NR1H4: variants seen among roughly 807,000 people sequenced by gnomAD.
NR1H4 encodes the protein bile acid receptor.
NR1H4 carries 23 observed loss-of-function variants against 58.5 expected under a neutral mutation model. That is an observed-to-expected ratio of 0.39 (90% CI 0.28 to 0.56). The LOEUF is 0.56. Among genes scored for constraint, NR1H4 ranks in the 20% least tolerant of loss-of-function variants. The probability of loss-of-function intolerance (pLI) is 0.58; values close to 1 mark genes in which losing one functional copy is unlikely to be tolerated. For missense variants in NR1H4, 487 were observed against 576.9 expected (o/e 0.84, Z 1.60); for synonymous variants, 214 against 198.0 (o/e 1.08, Z -0.68).
chr12:100,561,917 A>T lies in NR1H4; in HGVS notation c.1111A>T (p.Ser371Cys). ...TGATGAATATATAACACCTATGTTT[A>T]GTTTTTATAAAAGTATTGGGGAACT... ...ISDEYITPMFSFYKSIGELKM... is the reference protein window; with the variant it reads ...ISDEYITPMFCFYKSIGELKM... The change falls in exon 10 of 11, where the codon AGT becomes TGT. Residue 371 changes from serine (S) to cysteine (C), a missense_variant. Physicochemically the swap from Ser to Cys is moderately radical, Grantham distance 112. Coordinates refer to ENST00000392986, the MANE Select transcript of NR1H4 (RefSeq NM_001206979.2). The T allele has an allele frequency of 6.6e-7, 1 of 1,519,398 alleles. No homozygotes were observed. The allele number at this position is 1,519,398 out of a possible 1,614,324, so 94.1% of individuals were successfully genotyped here.
Position 100,532,471 on chromosome 12 carries a change from A to G in NR1H4, c.459A>G (p.Arg153=). Reference sequence around the variant, plus strand: ...TTTCTCCCACAGGTTTCTTCAGGAGAAGCATTACCAAAAACGCTGTGTACA... The same window carrying G: ...TTTCTCCCACAGGTTTCTTCAGGAGGAGCATTACCAAAAACGCTGTGTACA... ...TCEGCKGFFR[R]SITKNAVYKC... Residue 153 remains arginine (R), a synonymous_variant, in exon 5 of 11, where the codon AGA becomes AGG. Transcript: ENST00000392986. 6.2e-7 allele frequency: 1 copy of G among 1,614,126 alleles called. No individual in the cohort carries two copies. Among genetic ancestry groups the G allele is most frequent in the Non-Finnish European group, 8.5e-7 (1 of 1,179,974 alleles).
chr12:100,499,967 G>C (rs1953797547), intron 3 of NR1H4: 1 of 455,826 alleles, frequency 2.2e-6, no homozygotes, highest in Non-Finnish European at 4.4e-6. Flanking sequence ...AAGAATGCCT[G>C]GCACATCACA....
intron 5 of NR1H4, among the ~76,000 whole-genome samples, chr12:100,533,974 G>A (rs979551863): frequency 6.6e-6 from 1 of 151,094 alleles, no homozygotes; most frequent in African/African-American, 2.4e-5. Flanking sequence ...TCGGCTCACT[G>A]CAAGCTCCGC....
At chr12:100,553,261 G>A (rs1955247378) in intron 9 of NR1H4, among the ~76,000 whole-genome samples, 2 of 152,154 alleles carry the variant, frequency 1.3e-5, no homozygotes, top group Non-Finnish European at 1.5e-5. Context: ...GCCTCCCAAA[G>A]TGCTGGGATT....
rs369219711 is a variant in NR1H4 at position 100,493,311 on chromosome 12, T to C, written c.-13T>C. 14 of 1,412,132 alleles carry C rather than the reference T, an allele frequency of 9.9e-6. No homozygotes were observed. Among genetic ancestry groups the C allele is most frequent in the Non-Finnish European group, 1.3e-5 (13 of 1,003,802 alleles). 87.5% of individuals were successfully genotyped at this position (1,412,132 alleles called of 1,614,324 possible). On this transcript the variant is annotated 5_prime_UTR_variant, in exon 3 of 11. Coordinates refer to ENST00000392986, the MANE Select transcript of NR1H4 (RefSeq NM_001206979.2). ...CCACCATAAAGAAAGTGCATTTCAA[T>C]TGAAAAATTTGGATGGGATCAAAAA...
intron 4 of NR1H4, among the ~76,000 whole-genome samples, chr12:100,512,627 C>A (rs942053481): frequency 1.3e-5 from 2 of 149,474 alleles, no homozygotes; most frequent in Non-Finnish European, 2.9e-5. Context: ...GGCAACTGAG[C>A]GAGACTCCGT....
At chr12:100,484,063 A>G in intron 1 of NR1H4, among the ~76,000 whole-genome samples, 1 of 151,822 alleles carries the variant, frequency 6.6e-6, no homozygotes, top group East Asian at 1.9e-4. Context: ...TAAAATGATG[A>G]TGGTTAGAAA....
chr12:100,498,898 G>T, intron 3 of NR1H4, among the ~76,000 whole-genome samples: 1 of 151,930 alleles, frequency 6.6e-6, no homozygotes, highest in East Asian at 1.9e-4. Flanking sequence ...ACTTAGCTGT[G>T]TATGCCCATT....
chr12:100,502,344 G>A (rs1455103822), intron 3 of NR1H4, among the ~76,000 whole-genome samples: 2 of 152,166 alleles, frequency 1.3e-5, no homozygotes, highest in Non-Finnish European at 2.9e-5. Context: ...CTGGAGGCTG[G>A]AAGTCCAAAA....
intron 3 of NR1H4, among the ~76,000 whole-genome samples, chr12:100,505,393 A>G (rs1041067800): frequency 5.9e-5 from 9 of 152,232 alleles, no homozygotes; most frequent in African/African-American, 2.2e-4. Flanking sequence ...TTTAACAGTC[A>G]GACTCTAAGT....
chr12:100,536,580 G>T lies in NR1H4; in HGVS notation c.801G>T (p.Gln267His). 6.3e-7 allele frequency: 1 copy of T among 1,596,254 alleles called. No homozygotes were observed. The highest frequency in any genetic ancestry group is 1.1e-5 in the South Asian group (1 of 90,682). The change falls in exon 7 of 11, where the codon CAG becomes CAT. Residue 267 changes from glutamine (Q) to histidine (H), a missense_variant. Coordinates refer to ENST00000392986, the MANE Select transcript of NR1H4 (RefSeq NM_001206979.2). ...LHFIMDSYNKQRMPQEITNKI... is the reference protein window; with the variant it reads ...LHFIMDSYNKHRMPQEITNKI... ...TTATTATGGATTCATATAACAAACAGAGGATGCCTCAGGAAATAACAAATA... is the reference window on the plus strand; with the variant it reads ...TTATTATGGATTCATATAACAAACATAGGATGCCTCAGGAAATAACAAATA...
intron 4 of NR1H4, among the ~76,000 whole-genome samples, chr12:100,524,653 T>C (rs1593093140): frequency 6.6e-6 from 1 of 152,192 alleles, no homozygotes; most frequent in Non-Finnish European, 1.5e-5. Flanking sequence ...GTGCATGTGA[T>C]TCCAAAGTCA....
At chr12:100,510,195 G>T (rs547169045) in intron 3 of NR1H4, among the ~76,000 whole-genome samples, 2 of 152,234 alleles carry the variant, frequency 1.3e-5, no homozygotes, top group South Asian at 4.1e-4. Context: ...CTTTTTCATA[G>T]AGGTTCAAGC....
Position 100,531,325 on chromosome 12 carries a change from C to T in NR1H4, c.446-1133C>T, listed in dbSNP as rs140529827. ...ACAAAAATTAGTCGGCCGCGGTGGG[C>T]GGCGCCTGTCATCCTAGCTGCTCCA... On this transcript the variant is annotated intron_variant, in intron 4 of 10. Transcript: ENST00000392986. Among the ~76,000 whole-genome samples the T allele has an allele frequency of 4.2e-4, 64 of 152,068 alleles. No homozygotes were observed. The East Asian group carries it at 0.011, about 25-fold the overall frequency.
At chr12:100,502,723 A>C (rs144821197) in intron 3 of NR1H4, among the ~76,000 whole-genome samples, 3 of 152,216 alleles carry the variant, frequency 2.0e-5, no homozygotes, top group African/African-American at 7.2e-5. Context: ...AATAAATTGC[A>C]TGAGATATTC....
intron 9 of NR1H4, among the ~76,000 whole-genome samples, chr12:100,548,083 A>C (rs1300754415): frequency 6.7e-6 from 1 of 149,420 alleles, no homozygotes; most frequent in Admixed American, 6.7e-5. Flanking sequence ...AAGAATACTT[A>C]TGAGCTGAGT....
Position 100,484,472 on chromosome 12 carries a change from C to A in NR1H4, c.-189-8031C>A, listed in dbSNP as rs573486769. ...CACAATAAAAACAAACAGTGCATAC[C>A]ATTTCTGAAATAATTCCTGGGTCCT... On this transcript the variant is annotated intron_variant, in intron 1 of 10. Transcript: ENST00000392986. 7.9e-5 allele frequency among the ~76,000 whole-genome samples: 12 copies of A among 152,292 alleles called. No individual in the cohort carries two copies. In the East Asian group the frequency reaches 1.7e-3, roughly 22 times the overall value.
chr12:100,535,103 C>A, intron 6 of NR1H4, 80 bp downstream of exon 6: 1 of 1,502,798 alleles, frequency 6.7e-7, no homozygotes, highest in Non-Finnish European at 9.3e-7. Context: ...AGGAGGCTTT[C>A]AAATTAAAGC....
intron 1 of NR1H4, among the ~76,000 whole-genome samples, chr12:100,474,905 T>C (rs12304867): frequency 0.18 from 26,847 of 152,098 alleles, 5,013 homozygotes; most frequent in African/African-American, 0.47. Flanking sequence ...TGTCTTAGAA[T>C]CACTTCAGGA....
Sources: allele counts gnomAD v4.1 joint callset (sites outside exome capture counted in the v4.1 genomes callset), GRCh38; gene constraint gnomAD v4.1.1; transcripts MANE v1.5; gene names NCBI Gene and HGNC (gene_info 2026-07-23, HGNC 2026-07-21).